RGS2: variants seen among roughly 807,000 people sequenced by gnomAD.
The protein encoded by RGS2 is regulator of G protein signaling 2.
Under a neutral mutation model 26.6 loss-of-function variants are expected in RGS2, and 20 were observed. The ratio of observed to expected loss-of-function variants is 0.75; its 90% CI spans 0.53 to 1.09. The LOEUF (loss-of-function observed/expected upper bound fraction) is 1.09, where lower values mean the gene tolerates loss of function less well. Among genes scored for constraint, RGS2 ranks in the 50% least tolerant of loss-of-function variants. RGS2 has a pLI of 0.00. For synonymous variants in RGS2, 97 were observed against 79.9 expected (o/e 1.21, Z -1.14); for missense variants, 246 against 245.5 (o/e 1.00, Z -0.01).
At chr1:192,811,211 G>A (rs900409237) in intron 4 of RGS2, 64 bp downstream of exon 4, 53 of 1,497,744 alleles carry the variant, frequency 3.5e-5, no homozygotes, top group Non-Finnish European at 4.9e-5. Flanking sequence ...GTGAAACAAA[G>A]TAATCAAGGA....
chr1:192,809,057 A>C lies in RGS2; in HGVS notation c.-15A>C, dbSNP rs760249368. On this transcript the variant is annotated 5_prime_UTR_variant, in exon 1 of 5. Transcript: ENST00000235382. ...CCCAGCCGCAAACAGCCGGGGCTCCAGCGGGAGAACGATAATGCAAAGTGC... is the reference window on the plus strand; with the variant it reads ...CCCAGCCGCAAACAGCCGGGGCTCCCGCGGGAGAACGATAATGCAAAGTGC... The C allele has an allele frequency of 1.3e-6, 2 of 1,593,738 alleles. No individual in the cohort carries two copies. Among genetic ancestry groups the C allele is most frequent in the Non-Finnish European group, 1.7e-6 (2 of 1,161,648 alleles).
rs1316603154 is a variant in RGS2 at position 192,810,365 on chromosome 1, T to C, written c.213-5T>C. 1.1e-5 allele frequency: 17 copies of C among 1,614,054 alleles called. No homozygotes were observed. In the East Asian group the frequency reaches 3.8e-4, roughly 36 times the overall value. ...GTAAGCTAACATACAGAACCTCTCTTGCAGGCCTTCTCCTGAGGAAGCACA... is the reference window on the plus strand; with the variant it reads ...GTAAGCTAACATACAGAACCTCTCTCGCAGGCCTTCTCCTGAGGAAGCACA... On this transcript the variant is annotated splice_polypyrimidine_tract_variant and splice_region_variant and intron_variant, in intron 2 of 4. Transcript: ENST00000235382.
chr1:192,811,303 A>G, intron 4 of RGS2, 99 bp from the exon 5 acceptor site: 1 of 1,286,058 alleles, frequency 7.8e-7, no homozygotes, highest in East Asian at 2.4e-5. Context: ...CTTAGCTAGT[A>G]AAGCTAATCA....
intron 4 of RGS2, 55 bp downstream of exon 4, chr1:192,811,202 T>G (rs1371498238): frequency 1.0e-5 from 16 of 1,583,342 alleles, no homozygotes; most frequent in Non-Finnish European, 1.4e-5. Context: ...AGCACAAAAG[T>G]GAAACAAAGT....
intron 1 of RGS2, 42 bp downstream of exon 1, chr1:192,809,223 A>G: frequency 7.2e-7 from 1 of 1,383,102 alleles, no homozygotes; most frequent in Non-Finnish European, 1.0e-6. Flanking sequence ...CCCCTGCCCC[A>G]CACTGCAAGC....
Position 192,810,410 on chromosome 1 carries a change from GA to G in RGS2, c.254del (p.Asp85AlafsTer4). ...AGCACAGCTGTGGTCAGAAGCATTTGACGAGCTGCTAGCCAGCAAATGTAAG... is the reference window on the plus strand; with the variant it reads ...AGCACAGCTGTGGTCAGAAGCATTTGCGAGCTGCTAGCCAGCAAATGTAAG... ...EEAQLWSEAF[D>X]ELLASKYGLA... On this transcript the variant is annotated frameshift_variant, in exon 3 of 5. Coordinates refer to ENST00000235382, the MANE Select transcript of RGS2 (RefSeq NM_002923.4). LOFTEE classifies it high-confidence loss of function. The G allele has an allele frequency of 6.2e-7, 1 of 1,614,172 alleles. No homozygotes were observed. The highest frequency in any genetic ancestry group is 8.5e-7 in the Non-Finnish European group (1 of 1,180,028).
chr1:192,811,707 C>T lies in RGS2; in HGVS notation c.*111C>T, dbSNP rs1455847736. ...GAATTCAGCCTGGGTGTTCAGGAAA[C>T]ATCACTCAGAACTATTGATTCAAAG... On this transcript the variant is annotated 3_prime_UTR_variant, in exon 5 of 5. Coordinates refer to ENST00000235382, the MANE Select transcript of RGS2 (RefSeq NM_002923.4). 9.5e-7 allele frequency: 1 copy of T among 1,051,306 alleles called. No individual in the cohort carries two copies. The highest frequency in any genetic ancestry group is 2.4e-5 in the East Asian group (1 of 42,132). The allele number at this position is 1,051,306 out of a possible 1,614,324, so 65.1% of individuals were successfully genotyped here.
chr1:192,811,320 AT>A (rs1194051629), intron 4 of RGS2, 81 bp from the exon 5 acceptor site: 5 of 1,345,900 alleles, frequency 3.7e-6, no homozygotes, highest in Non-Finnish European at 5.2e-6. Context: ...ATCACACATA[AT>A]TTTTATTTTT....
intron 3 of RGS2, 68 bp from the exon 4 acceptor site, chr1:192,810,912 GA>G: frequency 7.1e-7 from 1 of 1,413,300 alleles, no homozygotes; most frequent in Non-Finnish European, 1.0e-6. Flanking sequence ...AGGGATAGGA[GA>G]AACATAAGGA....
At chr1:192,809,410 G>T (rs1665550258) in intron 1 of RGS2, 2 of 543,512 alleles carry the variant, frequency 3.7e-6, no homozygotes, top group Non-Finnish European at 6.8e-6. Flanking sequence ...GATGCGCTAA[G>T]AAATTGCGGG....
intron 1 of RGS2, 43 bp from the exon 2 acceptor site, chr1:192,810,123 A>C (rs1183647089): frequency 4.9e-6 from 6 of 1,224,952 alleles, no homozygotes; most frequent in Non-Finnish European, 1.2e-6. Context: ...AGCATATTCA[A>C]GTGTTGCTAG....
rs955383362 is a variant in RGS2, at chr1:192,811,818, G to T, written c.*222G>T. 9 of 578,942 alleles carry T rather than the reference G, an allele frequency of 1.6e-5. No individual in the cohort carries two copies. Among genetic ancestry groups the T allele is most frequent in the Non-Finnish European group, 2.8e-5 (9 of 323,246 alleles). 35.9% of individuals were successfully genotyped at this position (578,942 alleles called of 1,614,324 possible). A position where few individuals can be genotyped will look rare whatever the true frequency, so the allele number is the denominator to read the frequency against. On this transcript the variant is annotated 3_prime_UTR_variant, in exon 5 of 5. Coordinates refer to ENST00000235382, the MANE Select transcript of RGS2 (RefSeq NM_002923.4). The stretch of plus-strand genomic sequence containing the variant: ...CCTCACTGTGTACAGAACGCAAGAA[G>T]GGAATAGGTGGTCTGAACGTGGTGT...
chr1:192,811,344 C>T lies in RGS2; in HGVS notation c.442-58C>T, dbSNP rs908290069. On this transcript the variant is annotated intron_variant, in intron 4 of 4. Coordinates refer to ENST00000235382, the MANE Select transcript of RGS2 (RefSeq NM_002923.4). ...AATTTTTATTTTTTGTTTTCAAATACTAAATTTTAATCTTTAACTCTGAAT... is the reference window on the plus strand; with the variant it reads ...AATTTTTATTTTTTGTTTTCAAATATTAAATTTTAATCTTTAACTCTGAAT... The T allele has an allele frequency of 4.1e-6, 6 of 1,455,452 alleles. No individual in the cohort carries two copies. The Middle Eastern group carries it at 6.3e-4, about 152-fold the overall frequency. 90.2% of individuals were successfully genotyped at this position (1,455,452 alleles called of 1,614,324 possible).
intron 3 of RGS2, 27 bp downstream of exon 3, chr1:192,810,458 T>C: frequency 3.1e-6 from 5 of 1,609,248 alleles, no homozygotes; most frequent in Non-Finnish European, 4.3e-6. Context: ...GCTTGAGCCA[T>C]TGCTAACATC....
rs979150183 is a variant in RGS2, at chr1:192,812,129, A to G, written c.*533A>G. The G allele has an allele frequency of 3.0e-5, 5 of 165,838 alleles. No individual in the cohort carries two copies. The highest frequency in any genetic ancestry group is 1.2e-4 in the African/African-American group (5 of 41,764). The allele number at this position is 165,838 out of a possible 1,614,324, so 10.3% of individuals were successfully genotyped here. A position where few individuals can be genotyped will look rare whatever the true frequency, so the allele number is the denominator to read the frequency against. ...GAAATGGTCCGTGTTTGCATTGTTA[A>G]AAATGATGTGTGAAATAGAATGAGT... On this transcript the variant is annotated 3_prime_UTR_variant, in exon 5 of 5. Coordinates refer to ENST00000235382, the MANE Select transcript of RGS2 (RefSeq NM_002923.4).
rs1200558562 is a variant in RGS2 at position 192,809,068 on chromosome 1, G to A, written c.-4G>A. The A allele has an allele frequency of 1.9e-6, 3 of 1,608,074 alleles. No individual in the cohort carries two copies. Among genetic ancestry groups the A allele is most frequent in the African/African-American group, 1.3e-5 (1 of 74,828 alleles). Reference sequence around the variant, plus strand: ...ACAGCCGGGGCTCCAGCGGGAGAACGATAATGCAAAGTGCTATGTTCTTGG... The same window carrying A: ...ACAGCCGGGGCTCCAGCGGGAGAACAATAATGCAAAGTGCTATGTTCTTGG... On this transcript the variant is annotated 5_prime_UTR_variant, in exon 1 of 5. Transcript: ENST00000235382.
chr1:192,811,437 C>T lies in RGS2; in HGVS notation c.477C>T (p.Ala159=), dbSNP rs551188703. 1.2e-6 allele frequency: 2 copies of T among 1,613,758 alleles called. No homozygotes were observed. The highest frequency in any genetic ancestry group is 2.7e-5 in the African/African-American group (2 of 74,954). ...ATTTTCAAACCAAAACTCTGATTGC[C>T]CAGAATATACAAGAAGCTACAAGTG... ...NIDFQTKTLI[A]QNIQEATSGC... is the part of the protein sequence containing the mutation. Residue 159 remains alanine, a synonymous_variant, in exon 5 of 5, where the codon GCC becomes GCT. Transcript: ENST00000235382.
At position 192,812,033 on chromosome 1, in the gene RGS2, T is replaced by C. The variant is rs1665600744; in HGVS notation, c.*437T>C. 1.1e-5 allele frequency: 3 copies of C among 262,920 alleles called. No individual in the cohort carries two copies. Among genetic ancestry groups the C allele is most frequent in the South Asian group, 8.4e-5 (2 of 23,900 alleles). 16.3% of individuals were successfully genotyped at this position (262,920 alleles called of 1,614,324 possible). On this transcript the variant is annotated 3_prime_UTR_variant, in exon 5 of 5. Coordinates refer to ENST00000235382, the MANE Select transcript of RGS2 (RefSeq NM_002923.4). The stretch of plus-strand genomic sequence containing the variant: ...GATTCAGTAACAGTGAAGTGTTTAC[T>C]ATGTGCAACGGTATTGAAGTTCTTA...
At chr1:192,809,431 GTCC>G (rs1665550551) in intron 1 of RGS2, 2 of 513,774 alleles carry the variant, frequency 3.9e-6, no homozygotes, top group Admixed American at 6.1e-5. Context: ...TTGGCTTTTT[GTCC>G]TCCTGCATTC....
Sources: allele counts gnomAD v4.1 joint callset, GRCh38; gene constraint gnomAD v4.1.1; transcripts MANE v1.5; gene names NCBI Gene and HGNC (gene_info 2026-07-23, HGNC 2026-07-21).